The following KHDRBS2 variants were observed in gnomAD, a reference collection of about 807,000 sequenced individuals.
KHDRBS2 encodes KH domain-containing, RNA-binding, signal transduction-associated protein 2.
KHDRBS2 carries 26 observed loss-of-function variants against 44.3 expected under a neutral mutation model. The ratio of observed to expected loss-of-function variants is 0.59; its 90% CI spans 0.43 to 0.81. The LOEUF is 0.81. Ranked by LOEUF, KHDRBS2 falls within the 40% of genes least tolerant of loss-of-function variation. The pLI is 0.00. For synonymous variants in KHDRBS2, 194 were observed against 151.1 expected, an observed-to-expected ratio of 1.28 and a Z score of -2.08; for missense variants, 476 against 433.1, an observed-to-expected ratio of 1.10 and a Z score of -0.88.
At chr6:61,843,044 C>T (rs1793827954) in intron 6 of KHDRBS2, among the ~76,000 whole-genome samples, 2 of 151,318 alleles carry the variant, frequency 1.3e-5, no homozygotes, top group African/African-American at 4.8e-5. Context: ...ATTCATGAGC[C>T]TTGAAAAAAT....
intron 6 of KHDRBS2, among the ~76,000 whole-genome samples, chr6:61,882,026 C>T (rs887529589): frequency 3.3e-5 from 5 of 152,140 alleles, no homozygotes; most frequent in African/African-American, 1.2e-4. Flanking sequence ...TAGTTTACAA[C>T]ATCCAGTACT....
At chr6:61,627,252 CAAAAAAAAAAAAAAA>C in the KHDRBS2 span, among the ~76,000 whole-genome samples, 2 of 76,114 alleles carry the variant, frequency 2.6e-5, 1 homozygote, top group Non-Finnish European at 4.8e-5. Flanking sequence ...GACTCCGTCT[CAAAAAAAAAAAAAAA>C]AAAAAAAAAA....
At chr6:62,237,180 C>A (rs752378697) in intron 1 of KHDRBS2, among the ~76,000 whole-genome samples, 1 of 152,040 alleles carries the variant, frequency 6.6e-6, no homozygotes, top group Non-Finnish European at 1.5e-5. Flanking sequence ...TTTTAAAGAA[C>A]GTGTTAAGAA....
the KHDRBS2 span, among the ~76,000 whole-genome samples, chr6:61,557,700 G>A: frequency 1.3e-5 from 2 of 152,118 alleles, no homozygotes; most frequent in African/African-American, 2.4e-5. Context: ...AGTGTAAGCA[G>A]GATTGATATT....
At chr6:62,185,001 T>A (rs1002744275) in intron 1 of KHDRBS2, among the ~76,000 whole-genome samples, 2 of 151,894 alleles carry the variant, frequency 1.3e-5, no homozygotes, top group African/African-American at 4.8e-5. Flanking sequence ...TGCTAAAATA[T>A]CTTTGTCACC....
chr6:61,999,249 A>G (rs1777781871), intron 3 of KHDRBS2, among the ~76,000 whole-genome samples: 1 of 152,140 alleles, frequency 6.6e-6, no homozygotes, highest in African/African-American at 2.4e-5. Flanking sequence ...GAGTGATTTT[A>G]TTTAAATGCT....
At chr6:61,577,314 C>T in the KHDRBS2 span, among the ~76,000 whole-genome samples, 34 of 152,184 alleles carry the variant, frequency 2.2e-4, no homozygotes, top group Middle Eastern at 3.4e-3. Flanking sequence ...CCTTCTTCCA[C>T]GCCTGTGTAA....
intron 4 of KHDRBS2, among the ~76,000 whole-genome samples, chr6:61,974,558 C>T (rs1481918556): frequency 1.3e-5 from 2 of 152,004 alleles, no homozygotes; most frequent in East Asian, 3.9e-4. Flanking sequence ...CTTCACCTCC[C>T]AAAAGTACTA....
chr6:61,718,230 C>A (rs1224080673), intron 7 of KHDRBS2, among the ~76,000 whole-genome samples: 1 of 151,976 alleles, frequency 6.6e-6, no homozygotes, highest in Non-Finnish European at 1.5e-5. Context: ...GGCTCTGACC[C>A]TTGAGGAGCT....
chr6:62,143,971 T>C (rs1212034751), intron 2 of KHDRBS2, among the ~76,000 whole-genome samples: 1 of 151,910 alleles, frequency 6.6e-6, no homozygotes, highest in Non-Finnish European at 1.5e-5. Context: ...CTTTGCCAGT[T>C]GAAAAAACAA....
At chr6:62,177,125 ACCG>A (rs1220416700) in intron 2 of KHDRBS2, 57 bp downstream of exon 2, 33 of 1,001,310 alleles carry the variant, frequency 3.3e-5, no homozygotes, top group African/African-American at 1.3e-4. Flanking sequence ...TAATTAAAAT[ACCG>A]TCTTCTTTTA....
chr6:61,926,455 T>C (rs1808989763), intron 4 of KHDRBS2, among the ~76,000 whole-genome samples: 1 of 152,178 alleles, frequency 6.6e-6, no homozygotes, highest in Admixed American at 6.6e-5. Flanking sequence ...AATTGTCTCC[T>C]AAACTACTGA....
rs1812979874 is a variant in KHDRBS2 at position 62,142,234 on chromosome 6, A to G, written c.219+34951T>C. On this transcript the variant is annotated intron_variant, in intron 2 of 8. Transcript: ENST00000281156. Reference sequence around the variant, plus strand: ...GCCAAAGGCCCAGGTCTAGGTGAAGAGGATATAAAATTGAAGCAGGATGAA... The same window carrying G: ...GCCAAAGGCCCAGGTCTAGGTGAAGGGGATATAAAATTGAAGCAGGATGAA... Among the ~76,000 whole-genome samples the G allele has an allele frequency of 2.0e-5, 3 of 152,088 alleles. No individual in the cohort carries two copies. In the South Asian group the frequency reaches 6.2e-4, roughly 31 times the overall value.
chr6:61,899,614 A>G (rs1375175127), intron 5 of KHDRBS2, among the ~76,000 whole-genome samples: 1 of 151,880 alleles, frequency 6.6e-6, no homozygotes, highest in Non-Finnish European at 1.5e-5. Flanking sequence ...TTAAAATCTT[A>G]TATGGTCCAC....
At chr6:61,600,178 G>A in the KHDRBS2 span, among the ~76,000 whole-genome samples, 1 of 152,146 alleles carries the variant, frequency 6.6e-6, no homozygotes, top group African/African-American at 2.4e-5. Context: ...GGGAATATGA[G>A]TGGTAAGTGT....
chr6:61,732,786 A>T, intron 6 of KHDRBS2, 22 bp from the exon 7 acceptor site: 1 of 1,235,212 alleles, frequency 8.1e-7, no homozygotes, highest in Non-Finnish European at 1.2e-6. Context: ...AAATGGTAGA[A>T]ACACCTGTTA....
intron 2 of KHDRBS2, among the ~76,000 whole-genome samples, chr6:62,071,715 C>G (rs191893877): frequency 6.6e-6 from 1 of 152,258 alleles, no homozygotes; most frequent in African/African-American, 2.4e-5. Context: ...TGTTTTGGTA[C>G]CAGTACCATG....
intron 4 of KHDRBS2, among the ~76,000 whole-genome samples, chr6:61,932,499 CGTAAGAGTGAAGTCATACAGGCCGG>C (rs1237852888): frequency 1.3e-5 from 2 of 152,118 alleles, no homozygotes; most frequent in African/African-American, 4.8e-5. Context: ...TTAGATTCCA[CGTAAGAGTGAAGTCATACAGGCCGG>C]GCACGGTGCC....
intron 3 of KHDRBS2, among the ~76,000 whole-genome samples, chr6:61,986,835 TC>T (rs897072655): frequency 6.6e-6 from 1 of 152,122 alleles, no homozygotes; most frequent in African/African-American, 2.4e-5. Context: ...CATGGGGGAC[TC>T]CACCCTTATG....
Sources: allele counts gnomAD v4.1 joint callset (sites outside exome capture counted in the v4.1 genomes callset), GRCh38; gene constraint gnomAD v4.1.1; transcripts MANE v1.5; gene names NCBI Gene and HGNC (gene_info 2026-07-23, HGNC 2026-07-21).